Variants in SNX29 observed in about 807,000 individuals in gnomAD.
The protein encoded by SNX29 is sorting nexin-29.
In SNX29, 78 loss-of-function variants were observed where a neutral mutation model predicts 102.1. The observed-to-expected ratio is 0.76, with a 90% CI of 0.64 to 0.92. SNX29 has a LOEUF of 0.92. SNX29 is among the 40% of genes least tolerant of loss of function. The pLI, the probability that SNX29 is intolerant of heterozygous loss-of-function variation, is 0.00. For synonymous variants in SNX29, 580 were observed against 414.5 expected (o/e 1.40, Z -4.85); for missense variants, 1,280 against 1,061.7 (o/e 1.21, Z -2.86).
At chr16:12,080,692 C>CTT (rs34209588) in intron 11 of SNX29, among the ~76,000 whole-genome samples, 5 of 134,738 alleles carry the variant, frequency 3.7e-5, no homozygotes, top group Non-Finnish European at 4.8e-5. Context: ...CTACAGTTTA[C>CTT]TTTTTTTTTT....
At chr16:12,552,007 G>A (rs1181978241) in intron 20 of SNX29, among the ~76,000 whole-genome samples, 1 of 152,158 alleles carries the variant, frequency 6.6e-6, no homozygotes, top group Non-Finnish European at 1.5e-5. Flanking sequence ...GCTGGTCCCT[G>A]TCTCTAAAAA....
At chr16:12,057,830 T>A (rs1227331968) in intron 8 of SNX29, among the ~76,000 whole-genome samples, 10 of 150,876 alleles carry the variant, frequency 6.6e-5, no homozygotes, top group East Asian at 1.9e-4. Context: ...ATATATATTT[T>A]TTTTTGAGCT....
chr16:12,334,488 T>C (rs1461018132), intron 15 of SNX29, among the ~76,000 whole-genome samples: 1 of 152,168 alleles, frequency 6.6e-6, no homozygotes, highest in African/African-American at 2.4e-5. Flanking sequence ...TCTTGATGCA[T>C]AAAACAGGGA....
At chr16:12,541,828 C>T (rs1339407989) in intron 20 of SNX29, among the ~76,000 whole-genome samples, 3 of 152,062 alleles carry the variant, frequency 2.0e-5, no homozygotes, top group Non-Finnish European at 4.4e-5. Flanking sequence ...TCGCCTCTTC[C>T]CCTCTTCTCC....
At chr16:12,212,026 A>G (rs916981899) in intron 14 of SNX29, among the ~76,000 whole-genome samples, 6 of 151,974 alleles carry the variant, frequency 3.9e-5, no homozygotes, top group African/African-American at 1.5e-4. Flanking sequence ...TGTTAAACCC[A>G]TGCTTTCCCC....
intron 17 of SNX29, among the ~76,000 whole-genome samples, chr16:12,400,597 T>C (rs1351669976): frequency 6.6e-6 from 1 of 152,234 alleles, no homozygotes; most frequent in African/African-American, 2.4e-5. Flanking sequence ...CAAAGAAGCC[T>C]TCTCTGGTGT....
chr16:12,167,457 T>C (rs1045827724), intron 13 of SNX29, among the ~76,000 whole-genome samples: 5 of 152,142 alleles, frequency 3.3e-5, no homozygotes, highest in African/African-American at 1.2e-4. Flanking sequence ...GCCCTTCTTT[T>C]TGTCAGGGTT....
intron 16 of SNX29, among the ~76,000 whole-genome samples, chr16:12,387,269 A>C (rs1313196341): frequency 6.6e-6 from 1 of 152,098 alleles, no homozygotes; most frequent in Non-Finnish European, 1.5e-5. Context: ...GTTCCTCATC[A>C]CACAACCGAA....
intron 18 of SNX29, chr16:12,443,013 A>G (rs2085880662): frequency 2.2e-6 from 1 of 455,882 alleles, no homozygotes; most frequent in Non-Finnish European, 4.4e-6. Context: ...AAATGTGAAA[A>G]TCATTCTTAG....
intron 11 of SNX29, among the ~76,000 whole-genome samples, chr16:12,082,881 C>T (rs770098496): frequency 9.9e-5 from 15 of 152,084 alleles, no homozygotes; most frequent in Non-Finnish European, 2.2e-4. Context: ...CTTGTGTTTT[C>T]CCACCCTGCC....
At chr16:12,249,484 G>A (rs1056129004) in intron 14 of SNX29, among the ~76,000 whole-genome samples, 2 of 152,210 alleles carry the variant, frequency 1.3e-5, no homozygotes, top group African/African-American at 4.8e-5. Context: ...AGTCCAGGAC[G>A]GGACTGCACA....
intron 18 of SNX29, among the ~76,000 whole-genome samples, chr16:12,464,021 C>G (rs925423714): frequency 6.6e-6 from 1 of 151,898 alleles, no homozygotes; most frequent in South Asian, 2.1e-4. Context: ...CCTATCCATC[C>G]CCCCAGCCCC....
At chr16:12,080,972 G>A (rs1011591495) in intron 11 of SNX29, among the ~76,000 whole-genome samples, 23 of 152,168 alleles carry the variant, frequency 1.5e-4, no homozygotes, top group African/African-American at 4.3e-4. Flanking sequence ...GTGAGCCACC[G>A]TGCCCAGACT....
intron 20 of SNX29, among the ~76,000 whole-genome samples, chr16:12,534,302 G>T (rs1272658031): frequency 6.6e-6 from 1 of 152,230 alleles, no homozygotes; most frequent in African/African-American, 2.4e-5. Flanking sequence ...TGGGAGACGT[G>T]CTCCTAATGA....
At chr16:12,299,836 T>G (rs1051517844) in intron 15 of SNX29, among the ~76,000 whole-genome samples, 22 of 152,064 alleles carry the variant, frequency 1.4e-4, no homozygotes, top group African/African-American at 1.9e-4. Flanking sequence ...ATCTTTTTTC[T>G]TACACTAGAA....
At chr16:12,308,327 A>T (rs1433484855) in intron 15 of SNX29, among the ~76,000 whole-genome samples, 1 of 152,154 alleles carries the variant, frequency 6.6e-6, no homozygotes, top group East Asian at 1.9e-4. Flanking sequence ...ATTGTCCAGT[A>T]ATGTGAACGT....
chr16:12,137,153 A>C (rs1567239826), intron 13 of SNX29, among the ~76,000 whole-genome samples: 1 of 152,104 alleles, frequency 6.6e-6, no homozygotes, highest in South Asian at 2.1e-4. Context: ...TGTCTCTTGC[A>C]TTTTTTCCTA....
rs1164254046 is a variant in SNX29 at position 11,981,941 on chromosome 16, A to T, written c.7+5128A>T. Among the ~76,000 whole-genome samples the T allele has an allele frequency of 2.6e-5, 4 of 152,016 alleles. No individual in the cohort carries two copies. The East Asian group carries it at 7.7e-4, about 29-fold the overall frequency. On this transcript the variant is annotated intron_variant, in intron 1 of 20. Transcript: ENST00000566228. ...CAGGGTGGGTCTGGCGTGATTGCTC[A>T]CGCCTGTAATCTGAGCCCTTTGGGA...
At chr16:12,431,844 T>A (rs1309775870) in intron 18 of SNX29, among the ~76,000 whole-genome samples, 1 of 152,246 alleles carries the variant, frequency 6.6e-6, no homozygotes, top group East Asian at 1.9e-4. Flanking sequence ...TCTGAAGTCT[T>A]GTTCCTTCAT....
Sources: gnomAD v4.1 joint callset for allele counts (sites outside exome capture counted in the v4.1 genomes callset) on GRCh38, gnomAD v4.1.1 for gene constraint, MANE v1.5 for transcripts, NCBI Gene and HGNC (gene_info 2026-07-23, HGNC 2026-07-21) for gene names.